Variants in NECAB2 observed in about 807,000 individuals in gnomAD.
NECAB2 encodes N-terminal EF-hand calcium-binding protein 2.
NECAB2 carries 68 observed loss-of-function variants against 51.9 expected under a neutral mutation model. That is an observed-to-expected ratio of 1.31 (90% confidence interval 1.08 to 1.60). NECAB2 has a LOEUF of 1.60. Ranked by LOEUF, NECAB2 falls within the 40% of genes most tolerant of loss-of-function variation. The pLI is 0.00. For synonymous variants in NECAB2, 329 were observed against 203.5 expected (o/e 1.62, Z -5.25); for missense variants, 854 against 490.3 (o/e 1.74, Z -7.00).
At chr16:83,985,619 G>C (rs954111108) in intron 5 of NECAB2, among the ~76,000 whole-genome samples, 1 of 151,232 alleles carries the variant, frequency 6.6e-6, no homozygotes, top group African/African-American at 2.4e-5. Context: ...GGCAACAAGA[G>C]TGAGTCTCCA....
At position 83,986,759 on chromosome 16, in the gene NECAB2, A is replaced by G. The variant is rs145886133; in HGVS notation, c.460-3735A>G. On this transcript the variant is annotated intron_variant, in intron 5 of 12. Transcript: ENST00000305202. ...AGTCTCAAACTCCTGGGCTGAAGCA[A>G]TCATCTCCCCACCTTGGCTTGTCCA... Among the ~76,000 whole-genome samples, 1,052 of 151,470 alleles carry G rather than the reference A, an allele frequency of 6.9e-3. 16 individuals carry two copies. Among genetic ancestry groups the G allele is most frequent in the Non-Finnish European group, 6.1e-3 (411 of 67,870 alleles).
chr16:83,973,042 G>C (rs945110540), intron 2 of NECAB2, among the ~76,000 whole-genome samples: 2 of 152,328 alleles, frequency 1.3e-5, no homozygotes, highest in Middle Eastern at 3.4e-3. Flanking sequence ...CCTGGGTTTT[G>C]GGGAAAAGCC....
chr16:83,982,012 T>A (rs941733058), intron 5 of NECAB2, among the ~76,000 whole-genome samples: 4 of 152,190 alleles, frequency 2.6e-5, no homozygotes, highest in Admixed American at 2.6e-4. Context: ...CCTCAGTTTT[T>A]CCATCTGTGA....
intron 8 of NECAB2, among the ~76,000 whole-genome samples, chr16:83,995,752 CAG>C (rs978256313): frequency 3.3e-5 from 5 of 152,276 alleles, no homozygotes; most frequent in African/African-American, 9.6e-5. Context: ...TGGAGGGAGA[CAG>C]AGGCTGACGT....
upstream of NECAB2, chr16:83,965,486 C>G: frequency 1.9e-6 from 3 of 1,610,284 alleles, no homozygotes; most frequent in Non-Finnish European, 1.7e-6. Flanking sequence ...CCTCTACGCC[C>G]GCCACTACAA....
chr16:84,002,064 C>A, intron 12 of NECAB2, 148 bp downstream of exon 12: 1 of 1,059,196 alleles, frequency 9.4e-7, no homozygotes, highest in Admixed American at 2.1e-5. Context: ...TCAGAGCCAG[C>A]CCTGAGGTGG....
chr16:84,001,086 C>T (rs116424431), intron 11 of NECAB2, among the ~76,000 whole-genome samples: 276 of 152,180 alleles, frequency 1.8e-3, no homozygotes, highest in African/African-American at 6.2e-3. Flanking sequence ...CCCTGGGGGC[C>T]GAGGCACTGC....
intron 11 of NECAB2, among the ~76,000 whole-genome samples, chr16:84,001,524 C>G (rs1443699895): frequency 1.3e-5 from 2 of 152,118 alleles, no homozygotes; most frequent in Non-Finnish European, 2.9e-5. Context: ...TCATGGGTCC[C>G]AGGCAGAGGA....
At chr16:83,973,368 G>A (rs376254656) in intron 2 of NECAB2, among the ~76,000 whole-genome samples, 33 of 152,292 alleles carry the variant, frequency 2.2e-4, no homozygotes, top group African/African-American at 6.5e-4. Context: ...TGGTGGGAGG[G>A]CAGGTGCACA....
chr16:83,971,373 A>G (rs2084345295), intron 1 of NECAB2: 1 of 152,206 alleles, frequency 6.6e-6, no homozygotes, highest in African/African-American at 2.4e-5. Context: ...AAAGCTCTCC[A>G]GGCGATGGTG....
At position 83,982,924 on chromosome 16, in the gene NECAB2, A is replaced by G. The variant is rs534680530; in HGVS notation, c.459+1797A>G. On this transcript the variant is annotated intron_variant, in intron 5 of 12. Transcript: ENST00000305202. ...CTCACTCTTGTCCAGGCTGGAGTGC[A>G]GTGATACAATGTCGCCTCACTGCAA... 3.3e-5 allele frequency among the ~76,000 whole-genome samples: 5 copies of G among 150,256 alleles called. No individual in the cohort carries two copies. The East Asian group carries it at 9.9e-4, about 30-fold the overall frequency.
chr16:83,974,045 G>A (rs1392763930), intron 2 of NECAB2, among the ~76,000 whole-genome samples: 9 of 151,478 alleles, frequency 5.9e-5, no homozygotes, highest in African/African-American at 2.0e-4. Flanking sequence ...TCCACCCCCT[G>A]AGCACAGCTG....
At chr16:83,984,195 T>C (rs1241766453) in intron 5 of NECAB2, among the ~76,000 whole-genome samples, 11 of 151,402 alleles carry the variant, frequency 7.3e-5, no homozygotes, top group Admixed American at 3.9e-4. Context: ...CGGGGTTTCA[T>C]CGTGTTAGCC....
intron 5 of NECAB2, among the ~76,000 whole-genome samples, chr16:83,986,855 C>T (rs896814362): frequency 6.6e-6 from 1 of 152,018 alleles, no homozygotes. Flanking sequence ...TATAAATGGT[C>T]TATATCCACA....
At chr16:83,996,769 C>G (rs940082270) in intron 8 of NECAB2, among the ~76,000 whole-genome samples, 6 of 152,168 alleles carry the variant, frequency 3.9e-5, no homozygotes, top group African/African-American at 7.2e-5. Flanking sequence ...GAGACCGAAA[C>G]TTACAGTGGG....
intron 1 of NECAB2, among the ~76,000 whole-genome samples, chr16:83,971,230 T>C (rs79243253): frequency 2.1e-3 from 319 of 152,310 alleles, no homozygotes; most frequent in African/African-American, 7.5e-3. Flanking sequence ...AAACAGCTCC[T>C]GTGAATAGCA....
At chr16:83,977,323 C>T (rs1464719326) in intron 2 of NECAB2, among the ~76,000 whole-genome samples, 1 of 151,964 alleles carries the variant, frequency 6.6e-6, no homozygotes, top group Non-Finnish European at 1.5e-5. Context: ...GGCTGCAGGG[C>T]AGGTGGGGGA....
chr16:83,974,979 G>GATGAGAGC (rs2084390431), intron 2 of NECAB2, among the ~76,000 whole-genome samples: 1 of 146,090 alleles, frequency 6.8e-6, no homozygotes, highest in African/African-American at 2.6e-5. Context: ...GGTGTGCAGG[G>GATGAGAGC]AGGTGTGGGT....
At chr16:83,972,241 A>G in intron 2 of NECAB2, 66 bp downstream of exon 2, 1 of 1,609,670 alleles carries the variant, frequency 6.2e-7, no homozygotes. Flanking sequence ...TGGGGAAGGG[A>G]TCAGGGATAG....
Sources: gnomAD v4.1 joint callset for allele counts (sites outside exome capture counted in the v4.1 genomes callset) on GRCh38, gnomAD v4.1.1 for gene constraint, MANE v1.5 for transcripts, NCBI Gene and HGNC (gene_info 2026-07-23, HGNC 2026-07-21) for gene names.